ANK3: variants seen among roughly 807,000 people sequenced by gnomAD.
ANK3 encodes the protein ankyrin 3.
In ANK3, 57 loss-of-function variants were observed where a neutral mutation model predicts 370.9. The observed-to-expected ratio is 0.15, with a 90% CI of 0.12 to 0.19. The LOEUF (loss-of-function observed/expected upper bound fraction) is 0.19, where lower values mean the gene tolerates loss of function less well. ANK3 is among the 10% of genes least tolerant of loss of function. The pLI is 1.00. For synonymous variants in ANK3, 1,929 were observed against 1,946.3 expected (o/e 0.99, Z 0.23); for missense variants, 4,439 against 5,302.1 (o/e 0.84, Z 5.06).
Position 60,071,491 on chromosome 10 carries a change from C to T in ANK3, c.9390G>A (p.Gly3130=), listed in dbSNP as rs746950998. 1.2e-6 allele frequency: 2 copies of T among 1,613,862 alleles called. No homozygotes were observed. Among genetic ancestry groups the T allele is most frequent in the East Asian group, 4.5e-5 (2 of 44,876 alleles). Reference sequence around the variant, plus strand: ...TTTGCTGTCTAGTTGTATAAAAGGTCCCCCTGGTTTCTTGTACTGTCTTAC... The same window carrying T: ...TTTGCTGTCTAGTTGTATAAAAGGTTCCCCTGGTTTCTTGTACTGTCTTAC... ...QECKTVQETR[G]TFYTTRQQKQ... Residue 3130 remains glycine (G), a synonymous_variant, in exon 37 of 44, where the codon GGG becomes GGA. Coordinates refer to ENST00000280772, the MANE Select transcript of ANK3 (RefSeq NM_020987.5).
At chr10:60,606,487 T>C (rs2078130389) in intron 2 of ANK3, among the ~76,000 whole-genome samples, 1 of 152,176 alleles carries the variant, frequency 6.6e-6, no homozygotes, top group South Asian at 2.1e-4. Context: ...AGCACTTATA[T>C]AGCTGTTGAA....
chr10:60,128,335 G>A (rs906220578), intron 25 of ANK3, among the ~76,000 whole-genome samples: 2 of 151,884 alleles, frequency 1.3e-5, no homozygotes, highest in African/African-American at 2.4e-5. Context: ...CTGTGTCCCC[G>A]GGGGTGAGTT....
At chr10:60,593,341 A>G (rs1374191677) in intron 2 of ANK3, among the ~76,000 whole-genome samples, 2 of 152,206 alleles carry the variant, frequency 1.3e-5, no homozygotes, top group African/African-American at 4.8e-5. Context: ...TAATCAAAAC[A>G]TACAAATTAT....
chr10:60,407,538 C>T (rs2063479037), intron 2 of ANK3, among the ~76,000 whole-genome samples: 1 of 152,146 alleles, frequency 6.6e-6, no homozygotes, highest in Non-Finnish European at 1.5e-5. Context: ...AATAATAGAT[C>T]CATTTAATGA....
intron 42 of ANK3, 33 bp downstream of exon 42, chr10:60,055,625 C>G: frequency 6.4e-7 from 1 of 1,552,534 alleles, no homozygotes; most frequent in Non-Finnish European, 8.7e-7. Flanking sequence ...CTTTCCATTT[C>G]AATGACTGCT....
chr10:60,055,573 C>G (rs2079018701), intron 42 of ANK3, 85 bp downstream of exon 42: 2 of 1,473,540 alleles, frequency 1.4e-6, no homozygotes, highest in Non-Finnish European at 1.8e-6. Flanking sequence ...AAACCTTGGG[C>G]CCCCGGCTGC....
Position 60,075,488 on chromosome 10 carries a change from C to T in ANK3, c.5393G>A (p.Ser1798Asn), listed in dbSNP as rs775288677. The T allele has an allele frequency of 1.9e-6, 3 of 1,613,068 alleles. No homozygotes were observed. Among genetic ancestry groups the T allele is most frequent in the South Asian group, 2.2e-5 (2 of 91,084 alleles). Residue 1798 changes from serine (S) to asparagine (N), a missense_variant, in exon 37 of 44, where the codon AGT becomes AAT. Ser to Asn is a conservative substitution (Grantham distance 46, BLOSUM62 1). Around this residue, in one of 13 missense-constraint regions of ANK3, gnomAD observed 679 missense variants for 791.0 expected, o/e 0.86. Coordinates refer to ENST00000280772, the MANE Select transcript of ANK3 (RefSeq NM_020987.5). ...AFQSLRTPSA[S>N]ALYTSLGSSI... ...CGACCCAAGGGATGTATAGAGTGCA[C>T]TTGCGGAAGGAGTTCTTAGAGACTG...
At chr10:60,122,214 T>C (rs2093523051) in intron 25 of ANK3, among the ~76,000 whole-genome samples, 1 of 152,230 alleles carries the variant, frequency 6.6e-6, no homozygotes, top group African/African-American at 2.4e-5. Flanking sequence ...ATTTTAGCCC[T>C]GGAAATTAAA....
chr10:60,118,554 C>T (rs2093265407), intron 25 of ANK3, among the ~76,000 whole-genome samples: 1 of 142,738 alleles, frequency 7.0e-6, no homozygotes, highest in South Asian at 2.3e-4. Flanking sequence ...TGGTTTCAGT[C>T]TGGCCTCATT....
intron 23 of ANK3, among the ~76,000 whole-genome samples, chr10:60,160,034 A>T (rs2132276197): frequency 6.6e-6 from 1 of 152,206 alleles, no homozygotes; most frequent in Non-Finnish European, 1.5e-5. Context: ...AGTAAGCCAA[A>T]CTCAAAATTT....
At chr10:60,639,073 A>G (rs1242652808) in intron 1 of ANK3, among the ~76,000 whole-genome samples, 1 of 152,034 alleles carries the variant, frequency 6.6e-6, no homozygotes, top group African/African-American at 2.4e-5. Flanking sequence ...AAGATACATC[A>G]TAATCAAATT....
rs76852570 is a variant in ANK3, at chr10:60,149,399, C to T, written c.2615-10312G>A. ...TCCACAGGAAGCAGGTCAGACTTTTCAGGTAGATGGAAGGGACAGACCTGA... is the reference window on the plus strand; with the variant it reads ...TCCACAGGAAGCAGGTCAGACTTTTTAGGTAGATGGAAGGGACAGACCTGA... On this transcript the variant is annotated intron_variant, in intron 23 of 43. Coordinates refer to ENST00000280772, the MANE Select transcript of ANK3 (RefSeq NM_020987.5). Among the ~76,000 whole-genome samples the T allele has an allele frequency of 3.8e-3, 575 of 152,258 alleles. 6 individuals are homozygous for T. Among genetic ancestry groups the T allele is most frequent in the African/African-American group, 0.013 (538 of 41,546 alleles).
intron 7 of ANK3, among the ~76,000 whole-genome samples, chr10:60,261,302 T>C (rs1429320159): frequency 6.6e-6 from 1 of 152,232 alleles, no homozygotes; most frequent in African/African-American, 2.4e-5. Flanking sequence ...TCCAACCTGC[T>C]GTGCAGTGGG....
At position 60,040,469 on chromosome 10, in the gene ANK3, T is replaced by A. The variant is rs532335297; in HGVS notation, c.*19+2203A>T. Among the ~76,000 whole-genome samples the A allele has an allele frequency of 3.3e-5, 5 of 152,308 alleles. No homozygotes were observed. In the East Asian group the frequency reaches 9.6e-4, roughly 29 times the overall value. On this transcript the variant is annotated intron_variant, in intron 43 of 43. Coordinates refer to ENST00000280772, the MANE Select transcript of ANK3 (RefSeq NM_020987.5). ...TACCTGGAAAGTAAAATTAGGCTTG[T>A]CAAGTCACTGTTCTTTCAATCTGAC...
chr10:60,050,151 G>C (rs2077660603), intron 42 of ANK3, among the ~76,000 whole-genome samples: 1 of 152,156 alleles, frequency 6.6e-6, no homozygotes, highest in Admixed American at 6.5e-5. Flanking sequence ...CAGAGAACAT[G>C]TGTGAGGTGA....
chr10:60,149,142 C>A (rs975722710), intron 23 of ANK3, among the ~76,000 whole-genome samples: 1 of 152,148 alleles, frequency 6.6e-6, no homozygotes, highest in Non-Finnish European at 1.5e-5. Flanking sequence ...CAACCTATAC[C>A]CCAGAGATGT....
chr10:60,583,511 G>GTTTTTTTTTTTTTTTTTTTTTTTT lies in ANK3; in HGVS notation c.96+31674_96+31675insAAAAAAAAAAAAAAAAAAAAAAAA, dbSNP rs750384975. Among the ~76,000 whole-genome samples, 8 of 100,076 alleles carry GTTTTTTTTTTTTTTTTTTTTTTTT rather than the reference G, an allele frequency of 8.0e-5. 2 individuals are homozygous for GTTTTTTTTTTTTTTTTTTTTTTTT. The highest frequency in any genetic ancestry group is 4.7e-4 in the South Asian group (1 of 2,110). The allele number at this position is 100,076 out of a possible 152,430, so 65.7% of individuals were successfully genotyped here. On this transcript the variant is annotated intron_variant, in intron 2 of 43. Coordinates refer to the ANK3 transcript ENST00000373827. Reference sequence around the variant, plus strand: ...CATATAGCTTACAGAGAGGTTTTTTGTTTTTTGTTTTTTGTTTTTTTTTGA... The same window carrying GTTTTTTTTTTTTTTTTTTTTTTTT: ...CATATAGCTTACAGAGAGGTTTTTTGTTTTTTTTTTTTTTTTTTTTTTTTTTTTTTGTTTTTTGTTTTTTTTTGA...
intron 2 of ANK3, among the ~76,000 whole-genome samples, chr10:60,408,622 CT>C (rs991891001): frequency 3.2e-4 from 48 of 152,238 alleles, no homozygotes; most frequent in African/African-American, 1.1e-3. Flanking sequence ...CTAATACAAA[CT>C]GTAACAAGAA....
chr10:60,703,936 T>C (rs2079578089), intron 1 of ANK3, among the ~76,000 whole-genome samples: 1 of 152,160 alleles, frequency 6.6e-6, no homozygotes, highest in Non-Finnish European at 1.5e-5. Flanking sequence ...CACCGGCTTT[T>C]GATCTGATAG....
Sources: gnomAD v4.1 joint callset for allele counts (sites outside exome capture counted in the v4.1 genomes callset) on GRCh38, gnomAD v4.1.1 for gene constraint, gnomAD v4.1.1 regional missense constraint, MANE v1.5 for transcripts, NCBI Gene and HGNC (gene_info 2026-07-23, HGNC 2026-07-21) for gene names.